SLC39A9: variants seen among roughly 807,000 people sequenced by gnomAD.
The protein encoded by SLC39A9 is solute carrier family 39 member 9, also known as zinc transporter ZIP9.
A neutral mutation model predicts 28.4 loss-of-function variants in SLC39A9; 14 were observed. The observed-to-expected ratio is 0.49, with a 90% CI of 0.33 to 0.77. The LOEUF (loss-of-function observed/expected upper bound fraction) is 0.77. SLC39A9 is among the 30% of genes least tolerant of loss of function. The probability of loss-of-function intolerance (pLI) is 0.02; values close to 1 mark genes in which losing one functional copy is unlikely to be tolerated. For synonymous variants in SLC39A9, 119 were observed against 149.6 expected (o/e 0.80, Z 1.49); for missense variants, 283 against 381.1 (o/e 0.74, Z 2.14).
chr14:69,423,228 C>G (rs1883998735), intron 1 of SLC39A9, among the ~76,000 whole-genome samples: 1 of 152,016 alleles, frequency 6.6e-6, no homozygotes. Flanking sequence ...TCAGCTTTTT[C>G]CTCATAGCAG....
intron 3 of SLC39A9, among the ~76,000 whole-genome samples, chr14:69,443,121 TAAA>T (rs1340896079): frequency 6.6e-6 from 1 of 152,192 alleles, no homozygotes; most frequent in Admixed American, 6.5e-5. Flanking sequence ...TTTATATTAA[TAAA>T]AAAGGATTCT....
chr14:69,451,516 T>C (rs926966656), intron 3 of SLC39A9, among the ~76,000 whole-genome samples: 1 of 152,210 alleles, frequency 6.6e-6, no homozygotes, highest in Non-Finnish European at 1.5e-5. Flanking sequence ...CTACATTCTG[T>C]CAGACATGTT....
intron 6 of SLC39A9, 44 bp downstream of exon 6, chr14:69,455,910 T>C (rs1338937340): frequency 6.3e-7 from 1 of 1,589,458 alleles, no homozygotes; most frequent in Non-Finnish European, 8.6e-7. Flanking sequence ...TGTCTTGTGA[T>C]CTCTTAGAAT....
intron 5 of SLC39A9, among the ~76,000 whole-genome samples, chr14:69,455,255 C>G (rs1379411206): frequency 6.6e-6 from 1 of 152,096 alleles, no homozygotes; most frequent in South Asian, 2.1e-4. Context: ...AACATTAATT[C>G]CTAAGAGGCA....
chr14:69,449,901 A>G (rs1488986770), intron 3 of SLC39A9, among the ~76,000 whole-genome samples: 1 of 151,736 alleles, frequency 6.6e-6, no homozygotes, highest in African/African-American at 2.4e-5. Context: ...GCAAGAAAGG[A>G]AGGGGGCTGG....
chr14:69,451,449 C>T (rs569047267), intron 3 of SLC39A9, among the ~76,000 whole-genome samples: 1 of 152,236 alleles, frequency 6.6e-6, no homozygotes, highest in South Asian at 2.1e-4. Context: ...CACATAAATG[C>T]TTTTTTCACT....
At chr14:69,421,563 C>T (rs886073319) in intron 1 of SLC39A9, among the ~76,000 whole-genome samples, 2 of 152,216 alleles carry the variant, frequency 1.3e-5, no homozygotes, top group Non-Finnish European at 2.9e-5. Flanking sequence ...TTTAAGACTG[C>T]AGAAGTTTCT....
At chr14:69,452,453 C>G (rs1264365176) in intron 3 of SLC39A9, among the ~76,000 whole-genome samples, 1 of 152,074 alleles carries the variant, frequency 6.6e-6, no homozygotes. Context: ...CCTCAGCTCC[C>G]AAGTAGCCGA....
Position 69,418,530 on chromosome 14 carries a change from A to G in SLC39A9, c.97-5564A>G, listed in dbSNP as rs191551101. ...GAATTCCCTCTTTTTCTATTGATTG[A>G]AATAGGGTTTCAGAAGGAATGGTAC... On this transcript the variant is annotated intron_variant, in intron 1 of 6. Transcript: ENST00000336643. Among the ~76,000 whole-genome samples, 447 of 152,166 alleles carry G rather than the reference A, an allele frequency of 2.9e-3. 3 individuals carry two copies. The highest frequency in any genetic ancestry group is 0.01 in the African/African-American group (435 of 41,504).
chr14:69,413,605 A>T (rs1883405076), intron 1 of SLC39A9, among the ~76,000 whole-genome samples: 1 of 151,040 alleles, frequency 6.6e-6, no homozygotes, highest in South Asian at 2.1e-4. Context: ...ACCATTAGAA[A>T]CTGTCAATAG....
chr14:69,434,594 A>G (rs1241603413), intron 2 of SLC39A9, among the ~76,000 whole-genome samples: 1 of 152,082 alleles, frequency 6.6e-6, no homozygotes, highest in East Asian at 1.9e-4. Flanking sequence ...CACACACACC[A>G]GGAGGCTGAG....
At position 69,460,024 on chromosome 14, in the gene SLC39A9, T is replaced by C. The variant is rs1886047499; in HGVS notation, c.*1431T>C. 4 of 985,014 alleles carry C rather than the reference T, an allele frequency of 4.1e-6. No individual in the cohort carries two copies. The highest frequency in any genetic ancestry group is 4.8e-6 in the Non-Finnish European group (4 of 829,258). The allele number at this position is 985,014 out of a possible 1,614,324, so 61.0% of individuals were successfully genotyped here. A position where few individuals can be genotyped will look rare whatever the true frequency, so the allele number is the denominator to read the frequency against. On this transcript the variant is annotated 3_prime_UTR_variant, in exon 7 of 7. Transcript: ENST00000336643. ...AAACAATTGAGATAGCAAAAGTGTT[T>C]AACAGACTAGGATAATTTTTTTTTC...
At chr14:69,409,519 T>C (rs771783372) in intron 1 of SLC39A9, among the ~76,000 whole-genome samples, 64 of 152,216 alleles carry the variant, frequency 4.2e-4, no homozygotes, top group Admixed American at 9.2e-4. Flanking sequence ...TGTATTTTTT[T>C]AGAGGCAAGG....
At chr14:69,419,065 C>T (rs180782118) in intron 1 of SLC39A9, among the ~76,000 whole-genome samples, 9 of 152,220 alleles carry the variant, frequency 5.9e-5, no homozygotes, top group Non-Finnish European at 7.3e-5. Flanking sequence ...TGTGTTTGCT[C>T]TTGCTTCTCT....
intron 1 of SLC39A9, among the ~76,000 whole-genome samples, chr14:69,423,305 T>C (rs1197774108): frequency 2.0e-5 from 3 of 152,196 alleles, no homozygotes; most frequent in Non-Finnish European, 4.4e-5. Context: ...AGTGGTGTGG[T>C]ACTCTGATGA....
At chr14:69,446,962 A>C (rs901125982) in intron 3 of SLC39A9, among the ~76,000 whole-genome samples, 3 of 147,922 alleles carry the variant, frequency 2.0e-5, no homozygotes, top group African/African-American at 5.0e-5. Flanking sequence ...AGAGAGAGAG[A>C]GAGAGCGAGA....
intron 1 of SLC39A9, among the ~76,000 whole-genome samples, chr14:69,421,382 A>C (rs992152574): frequency 3.3e-5 from 5 of 152,174 alleles, no homozygotes; most frequent in Non-Finnish European, 7.3e-5. Context: ...GCTTCGTCTC[A>C]GAGGGGCACC....
chr14:69,438,434 A>T (rs558661553), intron 2 of SLC39A9, among the ~76,000 whole-genome samples: 1 of 152,278 alleles, frequency 6.6e-6, no homozygotes, highest in African/African-American at 2.4e-5. Context: ...TTATAATTAT[A>T]ATACATTGTT....
rs117327154 is a variant in SLC39A9, at chr14:69,430,755, C to G, written c.205+6553C>G. On this transcript the variant is annotated intron_variant, in intron 2 of 6. Coordinates refer to ENST00000336643, the MANE Select transcript of SLC39A9 (RefSeq NM_018375.5). ...AAACAATCCTCCCACTTCAGCCTCT[C>G]CAGCAGCTAGGACTACAGGTGCATG... is the stretch of plus-strand genomic sequence containing the variant. 3.3e-3 allele frequency among the ~76,000 whole-genome samples: 494 copies of G among 151,966 alleles called. 19 individuals are homozygous for G. In the East Asian group the frequency reaches 0.09, roughly 28 times the overall value.
Sources: allele counts gnomAD v4.1 joint callset (sites outside exome capture counted in the v4.1 genomes callset), GRCh38; gene constraint gnomAD v4.1.1; transcripts MANE v1.5; gene names NCBI Gene and HGNC (gene_info 2026-07-23, HGNC 2026-07-21).